The following MGAT4C variants were observed in gnomAD, a reference collection of about 807,000 sequenced individuals.
MGAT4C encodes the protein MGAT4 family member C, also known as alpha-1,3-mannosyl-glycoprotein 4-beta-N-acetylglucosaminyltransferase C.
MGAT4C carries 19 observed loss-of-function variants against 40.1 expected under a neutral mutation model. The ratio of observed to expected loss-of-function variants is 0.47; its 90% CI spans 0.33 to 0.70. The LOEUF is 0.70. Ranked by LOEUF, MGAT4C falls within the 30% of genes least tolerant of loss-of-function variation. MGAT4C has a pLI of 0.02. For synonymous variants in MGAT4C, 181 were observed against 187.1 expected, an observed-to-expected ratio of 0.97 and a Z score of 0.27; for missense variants, 491 against 563.2, an observed-to-expected ratio of 0.87 and a Z score of 1.30.
At position 86,229,775 on chromosome 12, in the gene MGAT4C, C is replaced by T. The variant is rs190641359; in HGVS notation, c.-57+26464G>A. On this transcript the variant is annotated intron_variant, in intron 1 of 4. Transcript: ENST00000611864. ...AAAAGCTTCATGGTGAATGTGATGA[C>T]GAAGAACTTGGATTATATGGTAGGA... Among the ~76,000 whole-genome samples the T allele has an allele frequency of 2.1e-3, 316 of 151,894 alleles. 3 individuals are homozygous for T. The highest frequency in any genetic ancestry group is 5.7e-3 in the African/African-American group (237 of 41,448).
At chr12:86,352,820 G>A (rs1592730050) in intron 3 of MGAT4C, among the ~76,000 whole-genome samples, 1 of 135,802 alleles carries the variant, frequency 7.4e-6, no homozygotes, top group South Asian at 2.4e-4. Context: ...TGAACAATGA[G>A]AACACATGGA....
chr12:86,121,145 A>C (rs1180085280), intron 1 of MGAT4C, among the ~76,000 whole-genome samples: 1 of 152,222 alleles, frequency 6.6e-6, no homozygotes, highest in Non-Finnish European at 1.5e-5. Context: ...AAAGAGTATC[A>C]GTGATTGAAG....
At chr12:86,187,329 G>A (rs1888869630) in intron 1 of MGAT4C, among the ~76,000 whole-genome samples, 1 of 151,796 alleles carries the variant, frequency 6.6e-6, no homozygotes. Context: ...TGTTTATTTA[G>A]TAATATATAA....
intron 3 of MGAT4C, 48 bp from the exon 4 acceptor site, chr12:85,983,718 C>T: frequency 7.1e-7 from 1 of 1,399,040 alleles, no homozygotes; most frequent in Non-Finnish European, 9.6e-7. Flanking sequence ...AATAGATGGT[C>T]ATGGATTAAA....
intron 1 of MGAT4C, among the ~76,000 whole-genome samples, chr12:86,191,789 G>GTGTGTGTGTGTGTGTGT: frequency 3.8e-5 from 1 of 26,282 alleles, no homozygotes; most frequent in East Asian, 2.9e-3. Context: ...TGTGTGTGTG[G>GTGTGTGTGTGTGTGTGT]TGTTTTCAGG....
intron 2 of MGAT4C, among the ~76,000 whole-genome samples, chr12:86,513,934 G>T (rs1592939885): frequency 6.6e-6 from 1 of 151,912 alleles, no homozygotes; most frequent in Non-Finnish European, 1.5e-5. Context: ...AGTTACGAAA[G>T]GGGGCATAAA....
At chr12:86,638,630 T>C (rs954648648) in intron 2 of MGAT4C, among the ~76,000 whole-genome samples, 2 of 151,826 alleles carry the variant, frequency 1.3e-5, no homozygotes, top group Non-Finnish European at 2.9e-5. Context: ...ATGTTTCAGA[T>C]AAAAGAACTG....
chr12:86,244,674 A>T (rs1316103727), intron 1 of MGAT4C, among the ~76,000 whole-genome samples: 5 of 151,994 alleles, frequency 3.3e-5, no homozygotes, highest in Non-Finnish European at 7.3e-5. Flanking sequence ...ATTTAAATAC[A>T]TTACAGGGAA....
chr12:86,265,189 C>T (rs1329598420), intron 4 of MGAT4C, among the ~76,000 whole-genome samples: 1 of 152,106 alleles, frequency 6.6e-6, no homozygotes, highest in Non-Finnish European at 1.5e-5. Context: ...TGCTCCACGC[C>T]TGGCTCACCC....
At chr12:86,276,031 T>C (rs563331456) in intron 4 of MGAT4C, among the ~76,000 whole-genome samples, 1 of 144,134 alleles carries the variant, frequency 6.9e-6, no homozygotes, top group African/African-American at 2.6e-5. Flanking sequence ...GGCTGGAGAA[T>C]GGCGTGATCC....
At chr12:86,355,966 T>C (rs1955300132) in intron 3 of MGAT4C, among the ~76,000 whole-genome samples, 1 of 152,132 alleles carries the variant, frequency 6.6e-6, no homozygotes, top group Non-Finnish European at 1.5e-5. Context: ...ATACATATGA[T>C]AGCCACTCCA....
intron 3 of MGAT4C, among the ~76,000 whole-genome samples, chr12:86,390,856 T>A (rs528877593): frequency 6.6e-6 from 1 of 152,284 alleles, no homozygotes; most frequent in African/African-American, 2.4e-5. Flanking sequence ...TCAAGATTAA[T>A]ATTAGGCCAC....
chr12:85,994,603 T>C (rs911590691), intron 2 of MGAT4C, among the ~76,000 whole-genome samples: 17 of 146,950 alleles, frequency 1.2e-4, no homozygotes, highest in Admixed American at 7.4e-4. Context: ...TTAGGAAAGT[T>C]TTTAAAAAAA....
chr12:86,033,666 G>T (rs1890963891), intron 2 of MGAT4C, among the ~76,000 whole-genome samples: 1 of 149,424 alleles, frequency 6.7e-6, no homozygotes, highest in African/African-American at 2.4e-5. Flanking sequence ...AGACTATGGG[G>T]TTTTCTAGGT....
chr12:86,188,305 A>G (rs1006539240), intron 1 of MGAT4C, among the ~76,000 whole-genome samples: 1 of 152,034 alleles, frequency 6.6e-6, no homozygotes, highest in African/African-American at 2.4e-5. Context: ...TGGTGGCAGG[A>G]TACAAAAGAA....
At chr12:86,435,443 A>G (rs1957119678) in intron 2 of MGAT4C, among the ~76,000 whole-genome samples, 1 of 151,884 alleles carries the variant, frequency 6.6e-6, no homozygotes, top group Admixed American at 6.6e-5. Flanking sequence ...TGAGATTAAT[A>G]TCTTTAAAGA....
At chr12:86,055,741 T>G (rs1893322073) in intron 1 of MGAT4C, among the ~76,000 whole-genome samples, 1 of 152,066 alleles carries the variant, frequency 6.6e-6, no homozygotes, top group Non-Finnish European at 1.5e-5. Context: ...GCTTCAAACT[T>G]TTTAAATCTT....
chr12:86,344,343 T>C (rs931565002), intron 3 of MGAT4C, among the ~76,000 whole-genome samples: 3 of 152,224 alleles, frequency 2.0e-5, no homozygotes, highest in East Asian at 3.8e-4. Flanking sequence ...CAAGGGACTT[T>C]GCTTTTAATT....
At chr12:86,565,060 G>A (rs1960031598) in intron 2 of MGAT4C, among the ~76,000 whole-genome samples, 1 of 152,136 alleles carries the variant, frequency 6.6e-6, no homozygotes, top group African/African-American at 2.4e-5. Flanking sequence ...GACAGCTCTT[G>A]GCCTGTTACT....
Sources: allele counts gnomAD v4.1 joint callset (sites outside exome capture counted in the v4.1 genomes callset), GRCh38; gene constraint gnomAD v4.1.1; transcripts MANE v1.5; gene names NCBI Gene and HGNC (gene_info 2026-07-23, HGNC 2026-07-21).